The following SEMA4D variants were observed in gnomAD, a reference collection of about 807,000 sequenced individuals.
The protein encoded by SEMA4D is semaphorin-4D.
In SEMA4D, 22 loss-of-function variants were observed where a neutral mutation model predicts 74.8. The ratio of observed to expected loss-of-function variants is 0.29; its 90% CI spans 0.21 to 0.42. The LOEUF is 0.42. SEMA4D is among the 10% of genes least tolerant of loss of function. The pLI is 1.00. For synonymous variants in SEMA4D, 445 were observed against 463.7 expected (o/e 0.96, Z 0.52); for missense variants, 937 against 1,118.4 (o/e 0.84, Z 2.31).
rs749911613 is a variant in SEMA4D, at chr9:89,405,485, C to T, written c.-29G>A. 8.7e-6 allele frequency: 14 copies of T among 1,610,814 alleles called. No individual in the cohort carries two copies. In the South Asian group the frequency reaches 1.2e-4, roughly 14 times the overall value. On this transcript the variant is annotated 5_prime_UTR_variant, in exon 3 of 16. Coordinates refer to ENST00000422704, the MANE Select transcript of SEMA4D (RefSeq NM_001371194.2). ...GTAGAGGCGACCCCAGGGGCTTCAG[C>T]AGCAAAGGCTCACGGCAGCAGGTGG... is the stretch of plus-strand genomic sequence containing the variant.
At position 89,490,745 on chromosome 9, in the gene SEMA4D, T is replaced by C. The variant is rs560110342; in HGVS notation, c.-310+7174A>G. Among the ~76,000 whole-genome samples the C allele has an allele frequency of 1.4e-4, 21 of 152,334 alleles. No individual in the cohort carries two copies. In the South Asian group the frequency reaches 4.1e-3, roughly 30 times the overall value. ...CAGGTCTAGGAGCAACTGTCAAATA[T>C]ATGCTCCCACTTTGAAAGTATTGAA... On this transcript the variant is annotated intron_variant, in intron 1 of 15. Transcript: ENST00000422704.
chr9:89,476,055 C>T (rs956779431), intron 1 of SEMA4D, among the ~76,000 whole-genome samples: 4 of 152,178 alleles, frequency 2.6e-5, no homozygotes, highest in Admixed American at 2.0e-4. Flanking sequence ...AGCAGAAGGT[C>T]GGCTGAGGTG....
chr9:89,393,554 G>A lies in SEMA4D; in HGVS notation c.508+8C>T. 1 of 1,610,160 alleles carries A rather than the reference G, an allele frequency of 6.2e-7. No individual in the cohort carries two copies. The highest frequency in any genetic ancestry group is 8.5e-7 in the Non-Finnish European group (1 of 1,176,392). On this transcript the variant is annotated splice_region_variant and intron_variant, in intron 7 of 15. Coordinates refer to ENST00000422704, the MANE Select transcript of SEMA4D (RefSeq NM_001371194.2). ...TCACGGTGAAGGAACTGGAGGGGCA[G>A]GACTCACCAACCATGACGGATGTGT... is the stretch of plus-strand genomic sequence containing the variant.
At chr9:89,362,022 G>T (rs1371154708) in exon 19 of SEMA4D, 1 of 360,048 alleles carries the variant, frequency 2.8e-6, no homozygotes, top group Admixed American at 3.9e-5. Context: ...TCACTGGGAC[G>T]GTGTAGGATC....
chr9:89,426,816 C>G (rs913103423), intron 2 of SEMA4D, among the ~76,000 whole-genome samples: 1 of 152,124 alleles, frequency 6.6e-6, no homozygotes, highest in Non-Finnish European at 1.5e-5. Context: ...CAAACCAAAC[C>G]AACTCACTTC....
At chr9:89,429,091 C>A (rs1848703299) in intron 2 of SEMA4D, among the ~76,000 whole-genome samples, 1 of 152,256 alleles carries the variant, frequency 6.6e-6, no homozygotes, top group African/African-American at 2.4e-5. Flanking sequence ...TCAAGCACAG[C>A]CCCCAGCTCC....
At chr9:89,434,751 C>T (rs1326065880) in intron 2 of SEMA4D, among the ~76,000 whole-genome samples, 1 of 152,174 alleles carries the variant, frequency 6.6e-6, no homozygotes, top group Non-Finnish European at 1.5e-5. Flanking sequence ...CCCCAAGGTA[C>T]TAGGGCATCA....
chr9:89,497,190 A>G (rs1268797388), intron 1 of SEMA4D, among the ~76,000 whole-genome samples: 4 of 152,220 alleles, frequency 2.6e-5, no homozygotes. Context: ...TTTTACTGGC[A>G]TAACCCCAGT....
At chr9:89,362,809 C>CCCCACCGCAGGTGGTAGCA (rs1451347207) in intron 18 of SEMA4D, among the ~76,000 whole-genome samples, 3 of 148,196 alleles carry the variant, frequency 2.0e-5, no homozygotes, top group Admixed American at 7.1e-5. Context: ...GTGCTGCAGA[C>CCCCACCGCAGGTGGTAGCA]CCCACCGCAG....
intron 12 of SEMA4D, chr9:89,387,084 C>T (rs900524181): frequency 9.1e-6 from 3 of 330,000 alleles, no homozygotes; most frequent in East Asian, 5.8e-5. Flanking sequence ...CTGCCCCCTG[C>T]GTGGGCACTG....
chr9:89,398,043 G>T (rs1397560378), intron 5 of SEMA4D, among the ~76,000 whole-genome samples: 1 of 152,180 alleles, frequency 6.6e-6, no homozygotes, highest in Non-Finnish European at 1.5e-5. Context: ...AGAAAGTCTA[G>T]GCAGACAGGG....
chr9:89,462,776 C>G (rs974950932), intron 1 of SEMA4D, among the ~76,000 whole-genome samples: 2 of 151,030 alleles, frequency 1.3e-5, no homozygotes, highest in African/African-American at 4.9e-5. Flanking sequence ...GAGAGCCTGT[C>G]TCTACAAATA....
intron 1 of SEMA4D, among the ~76,000 whole-genome samples, chr9:89,467,026 T>C (rs1858906091): frequency 6.6e-6 from 1 of 152,182 alleles, no homozygotes; most frequent in Non-Finnish European, 1.5e-5. Context: ...ACTGAATTAT[T>C]CATCTGCAGC....
At chr9:89,495,239 C>G (rs924329765) in intron 1 of SEMA4D, among the ~76,000 whole-genome samples, 1 of 152,146 alleles carries the variant, frequency 6.6e-6, no homozygotes, top group Non-Finnish European at 1.5e-5. Context: ...CTGTGACACC[C>G]CCAGCTAAAG....
chr9:89,415,984 C>T (rs562625063), intron 2 of SEMA4D, among the ~76,000 whole-genome samples: 162 of 152,312 alleles, frequency 1.1e-3, no homozygotes, highest in South Asian at 3.5e-3. Flanking sequence ...AAAAGTTTTG[C>T]TTTAAGTGGA....
At chr9:89,423,959 T>C (rs11265875) in intron 2 of SEMA4D, among the ~76,000 whole-genome samples, 5,902 of 127,420 alleles carry the variant, frequency 0.046, 373 homozygotes, top group East Asian at 0.32. Flanking sequence ...GCACCTCCAC[T>C]CCCTCAGCAC....
chr9:89,401,272 G>T (rs1842163917), intron 4 of SEMA4D, among the ~76,000 whole-genome samples: 1 of 152,130 alleles, frequency 6.6e-6, no homozygotes, highest in Admixed American at 6.5e-5. Flanking sequence ...GCCCAGGCTG[G>T]TCTCAAACTC....
At chr9:89,372,254 T>C (rs1449643997), downstream of SEMA4D, among the ~76,000 whole-genome samples, 4 of 87,896 alleles carry the variant, frequency 4.6e-5, no homozygotes, top group Non-Finnish European at 8.6e-5. Flanking sequence ...GTCTGGGCTG[T>C]GGTGGGTGTG....
At chr9:89,362,532 G>A in intron 18 of SEMA4D, 1 of 1,592,786 alleles carries the variant, frequency 6.3e-7, no homozygotes, top group South Asian at 1.1e-5. Flanking sequence ...AGCACTCAAG[G>A]CCTCAGCCCC....
Sources: gnomAD v4.1 joint callset for allele counts (sites outside exome capture counted in the v4.1 genomes callset) on GRCh38, gnomAD v4.1.1 for gene constraint, MANE v1.5 for transcripts, NCBI Gene and HGNC (gene_info 2026-07-23, HGNC 2026-07-21) for gene names.